MYO1D: variants seen among roughly 807,000 people sequenced by gnomAD.
MYO1D encodes myosin ID.
MYO1D carries 83 observed loss-of-function variants against 122.0 expected under a neutral mutation model. The ratio of observed to expected loss-of-function variants is 0.68; its 90% confidence interval spans 0.57 to 0.82. The LOEUF is 0.82. Among genes scored for constraint, MYO1D ranks in the 40% least tolerant of loss-of-function variants. MYO1D has a pLI of 0.00. For missense variants in MYO1D, 1,157 were observed against 1,269.5 expected (o/e 0.91, Z 1.35); for synonymous variants, 464 against 446.9 (o/e 1.04, Z -0.48).
At chr17:32,784,439 C>G (rs994760701) in intron 1 of MYO1D, among the ~76,000 whole-genome samples, 2 of 152,016 alleles carry the variant, frequency 1.3e-5, no homozygotes, top group African/African-American at 4.8e-5. Context: ...GGTCTTTGCT[C>G]TGTTACCTTT....
intron 14 of MYO1D, among the ~76,000 whole-genome samples, chr17:32,725,905 C>A (rs73280096): frequency 0.017 from 2,535 of 152,280 alleles, 49 homozygotes; most frequent in African/African-American, 0.057. Flanking sequence ...CAGCTAACTT[C>A]TCAAAAGAAA....
chr17:32,585,230 A>C (rs2087376220), intron 21 of MYO1D, among the ~76,000 whole-genome samples: 1 of 151,862 alleles, frequency 6.6e-6, no homozygotes, highest in African/African-American at 2.4e-5. Flanking sequence ...TTTTATATCT[A>C]AATTTCTTTT....
intron 1 of MYO1D, among the ~76,000 whole-genome samples, chr17:32,862,212 T>C (rs1383175427): frequency 1.3e-5 from 2 of 152,326 alleles, no homozygotes; most frequent in East Asian, 3.9e-4. Flanking sequence ...CCATTTCCCC[T>C]ATGGGGGAAC....
At chr17:32,856,491 A>G (rs939270347) in intron 1 of MYO1D, among the ~76,000 whole-genome samples, 2 of 152,222 alleles carry the variant, frequency 1.3e-5, no homozygotes, top group African/African-American at 4.8e-5. Context: ...CCTACTGACT[A>G]ACCCACTACA....
chr17:32,847,162 A>T (rs375411445), intron 1 of MYO1D, among the ~76,000 whole-genome samples: 1 of 152,192 alleles, frequency 6.6e-6, no homozygotes, highest in Non-Finnish European at 1.5e-5. Flanking sequence ...GAAAAATCCT[A>T]ATTTGGGAAT....
At chr17:32,565,707 C>T (rs748030112) in intron 21 of MYO1D, among the ~76,000 whole-genome samples, 23 of 142,772 alleles carry the variant, frequency 1.6e-4, no homozygotes, top group Non-Finnish European at 3.0e-4. Context: ...AGGTCAATTC[C>T]ACACACCTGT....
At chr17:32,807,458 T>C (rs1335084096) in intron 1 of MYO1D, among the ~76,000 whole-genome samples, 2 of 152,204 alleles carry the variant, frequency 1.3e-5, no homozygotes, top group African/African-American at 4.8e-5. Context: ...ATATATATCA[T>C]ATAATCTGAT....
intron 16 of MYO1D, among the ~76,000 whole-genome samples, chr17:32,696,943 T>G (rs146108137): frequency 6.6e-5 from 10 of 152,372 alleles, no homozygotes; most frequent in African/African-American, 2.4e-4. Flanking sequence ...AAATGGCTTA[T>G]GAAATACAGA....
chr17:32,741,230 A>G (rs142182333), intron 13 of MYO1D, among the ~76,000 whole-genome samples: 222 of 151,856 alleles, frequency 1.5e-3, no homozygotes, highest in African/African-American at 5.1e-3. Context: ...CTTCTAAAAA[A>G]AAAAAAAAAA....
At chr17:32,793,322 T>TA (rs1289887457) in intron 1 of MYO1D, among the ~76,000 whole-genome samples, 20 of 150,998 alleles carry the variant, frequency 1.3e-4, no homozygotes, top group African/African-American at 4.4e-4. Context: ...TTTTTTTTTT[T>TA]TAAACTTATT....
chr17:32,639,363 T>TTGTGTGTGTG (rs10674390), intron 19 of MYO1D, among the ~76,000 whole-genome samples: 53 of 128,212 alleles, frequency 4.1e-4, no homozygotes, highest in Non-Finnish European at 5.9e-4. Context: ...GGGAGAAATT[T>TTGTGTGTGTG]TGTGTGTGTG....
At chr17:32,661,373 C>A (rs2088562174) in intron 16 of MYO1D, among the ~76,000 whole-genome samples, 1 of 152,110 alleles carries the variant, frequency 6.6e-6, no homozygotes, top group Non-Finnish European at 1.5e-5. Context: ...GATAATATGG[C>A]TAGGTGTGGT....
chr17:32,776,178 T>G, intron 3 of MYO1D, 149 bp from the exon 4 acceptor site: 1 of 684,138 alleles, frequency 1.5e-6, no homozygotes, highest in Non-Finnish European at 2.3e-6. Context: ...ACAAACAAAT[T>G]AATGTCCACC....
chr17:32,611,156 C>T (rs923116712), intron 20 of MYO1D, among the ~76,000 whole-genome samples: 1 of 152,160 alleles, frequency 6.6e-6, no homozygotes, highest in African/African-American at 2.4e-5. Flanking sequence ...GATGTCCTCT[C>T]CTCCTCTGCA....
intron 16 of MYO1D, among the ~76,000 whole-genome samples, chr17:32,709,084 T>C (rs1356360293): frequency 6.6e-6 from 1 of 152,096 alleles, no homozygotes; most frequent in Non-Finnish European, 1.5e-5. Context: ...ACACTGACAA[T>C]TGTGAAGGAA....
intron 16 of MYO1D, among the ~76,000 whole-genome samples, chr17:32,688,974 T>C (rs1008377484): frequency 1.3e-5 from 2 of 151,998 alleles, no homozygotes; most frequent in African/African-American, 4.8e-5. Context: ...TGTGTGTGCG[T>C]GCATGTAAGA....
At chr17:32,520,995 G>A (rs991287160) in intron 21 of MYO1D, among the ~76,000 whole-genome samples, 7 of 152,144 alleles carry the variant, frequency 4.6e-5, no homozygotes, top group Non-Finnish European at 8.8e-5. Flanking sequence ...GGGGAATCGC[G>A]CCCCTTTGTT....
chr17:32,687,791 C>T (rs2089039441), intron 16 of MYO1D, among the ~76,000 whole-genome samples: 1 of 152,118 alleles, frequency 6.6e-6, no homozygotes, highest in Non-Finnish European at 1.5e-5. Context: ...TCTTGTAAAT[C>T]CAGAAGCAAA....
At chr17:32,589,308 C>T (rs2087418128) in intron 21 of MYO1D, among the ~76,000 whole-genome samples, 1 of 152,214 alleles carries the variant, frequency 6.6e-6, no homozygotes, top group Non-Finnish European at 1.5e-5. Context: ...CCCAACTTCT[C>T]ACCTTTGGGA....
Sources: gnomAD v4.1 joint callset for allele counts (sites outside exome capture counted in the v4.1 genomes callset) on GRCh38, gnomAD v4.1.1 for gene constraint, MANE v1.5 for transcripts, NCBI Gene and HGNC (gene_info 2026-07-23, HGNC 2026-07-21) for gene names.